HFM1: variants seen among roughly 807,000 people sequenced by gnomAD.
HFM1 encodes the protein helicase for meiosis 1, also known as probable ATP-dependent DNA helicase HFM1.
A neutral mutation model predicts 192.1 loss-of-function variants in HFM1; 169 were observed. That is an observed-to-expected ratio of 0.88 (90% CI 0.78 to 1.00). The LOEUF is 1.00. Ranked by LOEUF, HFM1 falls within the 50% of genes least tolerant of loss-of-function variation. The pLI, the probability that HFM1 is intolerant of heterozygous loss-of-function variation, is 0.00. For synonymous variants in HFM1, 525 were observed against 537.8 expected (o/e 0.98, Z 0.33); for missense variants, 1,661 against 1,668.0 (o/e 1.00, Z 0.07).
At chr1:91,383,308 T>C (rs912121481) in intron 6 of HFM1, among the ~76,000 whole-genome samples, 5 of 152,184 alleles carry the variant, frequency 3.3e-5, no homozygotes, top group African/African-American at 1.2e-4. Flanking sequence ...ATCGTACAGA[T>C]AATTAAACAT....
At chr1:91,278,410 C>T (rs1028072141) in intron 30 of HFM1, among the ~76,000 whole-genome samples, 3 of 152,026 alleles carry the variant, frequency 2.0e-5, no homozygotes, top group Non-Finnish European at 4.4e-5. Flanking sequence ...GATGGAAATA[C>T]GAACATGAGA....
intron 34 of HFM1, among the ~76,000 whole-genome samples, chr1:91,272,775 G>C (rs1193024685): frequency 2.6e-5 from 4 of 151,848 alleles, no homozygotes; most frequent in Non-Finnish European, 5.9e-5. Flanking sequence ...TAGCTGCCAT[G>C]GTATCACAAG....
chr1:91,371,255 T>G (rs1660149421), intron 13 of HFM1, among the ~76,000 whole-genome samples: 2 of 151,090 alleles, frequency 1.3e-5, no homozygotes, highest in Admixed American at 6.6e-5. Flanking sequence ...AAAGTTCACA[T>G]GGAACCGAAA....
Position 91,323,087 on chromosome 1 carries a change from CT to C in HFM1, c.2534+5del. 2 of 1,464,300 alleles carry C rather than the reference CT, an allele frequency of 1.4e-6. No homozygotes were observed. The highest frequency in any genetic ancestry group is 1.9e-6 in the Non-Finnish European group (2 of 1,066,608). The allele number at this position is 1,464,300 out of a possible 1,614,324, so 90.7% of individuals were successfully genotyped here. On this transcript the variant is annotated splice_donor_5th_base_variant and intron_variant, in intron 22 of 38. Coordinates refer to ENST00000370425, the MANE Select transcript of HFM1 (RefSeq NM_001017975.6). The stretch of plus-strand genomic sequence containing the variant: ...AAATTATTTAAAACATATGTAATTT[CT>C]GTACCTGATAGTTATCCGATTTGGA...
intron 30 of HFM1, among the ~76,000 whole-genome samples, chr1:91,295,497 C>T (rs1647393343): frequency 6.6e-6 from 1 of 152,116 alleles, no homozygotes; most frequent in South Asian, 2.1e-4. Flanking sequence ...ATAAGAACAC[C>T]AGGCATATTG....
intron 23 of HFM1, 147 bp downstream of exon 23, chr1:91,322,803 A>G (rs1652327979): frequency 2.2e-6 from 1 of 464,200 alleles, no homozygotes; most frequent in Non-Finnish European, 3.7e-6. Context: ...CAAATCATCA[A>G]TTTTAAAGTC....
chr1:91,383,645 A>G (rs962192803), intron 6 of HFM1, among the ~76,000 whole-genome samples: 3 of 152,182 alleles, frequency 2.0e-5, no homozygotes, highest in Non-Finnish European at 2.9e-5. Context: ...CAGCTATGCA[A>G]TATCTGGAAT....
At chr1:91,297,153 C>G (rs546487491) in intron 30 of HFM1, among the ~76,000 whole-genome samples, 1 of 152,216 alleles carries the variant, frequency 6.6e-6, no homozygotes, top group East Asian at 1.9e-4. Flanking sequence ...TATCACGCGC[C>G]TGGCTCGGAG....
At chr1:91,394,840 C>T (rs941288787) in intron 3 of HFM1, among the ~76,000 whole-genome samples, 5 of 152,034 alleles carry the variant, frequency 3.3e-5, no homozygotes, top group African/African-American at 1.2e-4. Flanking sequence ...TGCAATCTTG[C>T]TTCTAAAATC....
chr1:91,324,103 G>C (rs552794876), intron 21 of HFM1, among the ~76,000 whole-genome samples: 1 of 152,176 alleles, frequency 6.6e-6, no homozygotes, highest in African/African-American at 2.4e-5. Flanking sequence ...TCTATTCACT[G>C]CTGCAGCTGC....
chr1:91,364,589 TATATAC>T (rs1368509112), intron 13 of HFM1, among the ~76,000 whole-genome samples: 1 of 140,898 alleles, frequency 7.1e-6, no homozygotes, highest in African/African-American at 2.6e-5. Context: ...TGTGTGTGTA[TATATAC>T]ATATACATAT....
At chr1:91,367,365 G>C (rs1177801210) in intron 13 of HFM1, among the ~76,000 whole-genome samples, 1 of 152,188 alleles carries the variant, frequency 6.6e-6, no homozygotes, top group Non-Finnish European at 1.5e-5. Flanking sequence ...AGTAGGGGCG[G>C]ACTGACACCT....
At chr1:91,293,144 C>A (rs1370682017) in intron 30 of HFM1, among the ~76,000 whole-genome samples, 2 of 152,142 alleles carry the variant, frequency 1.3e-5, no homozygotes, top group African/African-American at 4.8e-5. Flanking sequence ...TAGGCATGGG[C>A]AAGGGCTTCA....
intron 20 of HFM1, among the ~76,000 whole-genome samples, chr1:91,333,618 A>G (rs955876502): frequency 6.6e-6 from 1 of 152,202 alleles, no homozygotes; most frequent in East Asian, 1.9e-4. Context: ...CTTAAACAGT[A>G]TAATTGGACT....
Position 91,316,157 on chromosome 1 carries a change from T to C in HFM1, c.2926A>G (p.Thr976Ala), listed in dbSNP as rs1651183515. The change falls in exon 27 of 39, where the codon ACC becomes GCC. Residue 976 changes from threonine (T) to alanine (A), a missense_variant. By Grantham distance (58) the Thr-to-Ala change is moderately conservative (BLOSUM62 0). Coordinates refer to ENST00000370425, the MANE Select transcript of HFM1 (RefSeq NM_001017975.6). The stretch of plus-strand genomic sequence containing the variant: ...TACATCACAGTTTCTTTTATCTGGG[T>C]TCCAAAGGGGGGATGTCTGTTTAAA... ...LILNRHPPFG[T>A]QIKETVMYLP... 1.9e-6 allele frequency: 3 copies of C among 1,590,636 alleles called. No individual in the cohort carries two copies. Among genetic ancestry groups the C allele is most frequent in the Non-Finnish European group, 2.6e-6 (3 of 1,163,256 alleles).
At chr1:91,343,329 C>A in intron 20 of HFM1, 101 bp downstream of exon 20, 3 of 503,598 alleles carry the variant, frequency 6.0e-6, no homozygotes, top group Non-Finnish European at 7.3e-6. Flanking sequence ...GAACTGAGAT[C>A]ACAATTTAGT....
intron 30 of HFM1, among the ~76,000 whole-genome samples, chr1:91,301,420 T>C (rs61798896): frequency 0.22 from 23,782 of 107,120 alleles, 3,002 homozygotes; most frequent in East Asian, 0.48. Flanking sequence ...CTTCACAGAA[T>C]TGGAAAAAAC....
chr1:91,295,454 C>T (rs1464196192), intron 30 of HFM1, among the ~76,000 whole-genome samples: 2 of 152,152 alleles, frequency 1.3e-5, no homozygotes, highest in Non-Finnish European at 2.9e-5. Flanking sequence ...GATCTTCCCT[C>T]CATGTGTGCC....
At chr1:91,402,989 G>A (rs1664462905) in intron 1 of HFM1, among the ~76,000 whole-genome samples, 1 of 152,008 alleles carries the variant, frequency 6.6e-6, no homozygotes, top group African/African-American at 2.4e-5. Context: ...TAGCATACAA[G>A]AATATAACTT....
Sources: gnomAD v4.1 joint callset for allele counts (sites outside exome capture counted in the v4.1 genomes callset) on GRCh38, gnomAD v4.1.1 for gene constraint, MANE v1.5 for transcripts, NCBI Gene and HGNC (gene_info 2026-07-23, HGNC 2026-07-21) for gene names.